The following PLCXD3 variants were observed in gnomAD, a reference collection of about 807,000 sequenced individuals.
PLCXD3 encodes phosphatidylinositol specific phospholipase C X domain containing 3.
In PLCXD3, 19 loss-of-function variants were observed where a neutral mutation model predicts 25.5. The observed-to-expected ratio is 0.75, with a 90% CI of 0.52 to 1.09. The LOEUF (loss-of-function observed/expected upper bound fraction) is 1.09. PLCXD3 is among the 50% of genes least tolerant of loss of function. PLCXD3 has a pLI of 0.00. For synonymous variants in PLCXD3, 174 were observed against 137.6 expected, an observed-to-expected ratio of 1.26 and a Z score of -1.85; for missense variants, 411 against 388.1, an observed-to-expected ratio of 1.06 and a Z score of -0.50.
intron 1 of PLCXD3, among the ~76,000 whole-genome samples, chr5:41,412,998 C>A (rs112475374): frequency 6.6e-6 from 1 of 152,094 alleles, no homozygotes; most frequent in African/African-American, 2.4e-5. Flanking sequence ...AAAGAAGTAA[C>A]GACATGACAA....
chr5:41,435,037 C>G (rs1343512858), intron 1 of PLCXD3, among the ~76,000 whole-genome samples: 3 of 152,208 alleles, frequency 2.0e-5, no homozygotes, highest in Non-Finnish European at 2.9e-5. Context: ...TGTCACCATT[C>G]AAAGCAAGTA....
intron 1 of PLCXD3, among the ~76,000 whole-genome samples, chr5:41,420,263 C>T (rs1474995979): frequency 6.6e-6 from 1 of 152,098 alleles, no homozygotes; most frequent in East Asian, 1.9e-4. Flanking sequence ...TAGAAGAAAA[C>T]TGATACATGT....
At chr5:41,354,143 T>C (rs111342826) in intron 2 of PLCXD3, among the ~76,000 whole-genome samples, 272 of 152,344 alleles carry the variant, frequency 1.8e-3, no homozygotes, top group African/African-American at 6.2e-3. Context: ...TTATGGATTC[T>C]AATTATCTCT....
At chr5:41,366,457 A>G (rs188631220) in intron 2 of PLCXD3, among the ~76,000 whole-genome samples, 1 of 152,316 alleles carries the variant, frequency 6.6e-6, no homozygotes, top group Non-Finnish European at 1.5e-5. Context: ...TATATCTTCA[A>G]TTGGGAGATA....
chr5:41,406,495 C>A (rs1002088100), intron 1 of PLCXD3, among the ~76,000 whole-genome samples: 2 of 152,044 alleles, frequency 1.3e-5, no homozygotes. Flanking sequence ...TCTCATCATC[C>A]TTCTATCTCA....
chr5:41,495,040 T>C (rs1748804218), intron 1 of PLCXD3, among the ~76,000 whole-genome samples: 1 of 152,212 alleles, frequency 6.6e-6, no homozygotes, highest in Non-Finnish European at 1.5e-5. Flanking sequence ...ATGGATTAAT[T>C]TCCTCTATGA....
rs114618059 is a variant in PLCXD3 at position 41,510,345 on chromosome 5, C to T, written c.103+79G>A. On this transcript the variant is annotated intron_variant, in intron 1 of 2. Transcript: ENST00000377801. The stretch of plus-strand genomic sequence containing the variant: ...CTCCCGCGGGCATCGTGGCAAGTTA[C>T]CACTTAGTGGCAGATAAAGCAGGGC... 404 of 1,263,826 alleles carry T rather than the reference C, an allele frequency of 3.2e-4. 1 individual carries two copies. The African/African-American group carries it at 5.8e-3, about 18-fold the overall frequency. 78.3% of individuals were successfully genotyped at this position (1,263,826 alleles called of 1,614,324 possible). A position where few individuals can be genotyped will look rare whatever the true frequency, so the allele number is the denominator to read the frequency against.
At chr5:41,437,379 A>G (rs961648087) in intron 1 of PLCXD3, among the ~76,000 whole-genome samples, 1 of 152,246 alleles carries the variant, frequency 6.6e-6, no homozygotes, top group African/African-American at 2.4e-5. Context: ...TGCATAAAAT[A>G]CAGCAATTTC....
At chr5:41,471,559 C>T (rs1748158836) in intron 1 of PLCXD3, among the ~76,000 whole-genome samples, 1 of 152,004 alleles carries the variant, frequency 6.6e-6, no homozygotes, top group African/African-American at 2.4e-5. Context: ...GTGCTCCTGT[C>T]CTGCAAGAAA....
intron 1 of PLCXD3, among the ~76,000 whole-genome samples, chr5:41,391,714 G>C (rs1258696518): frequency 6.6e-6 from 1 of 152,200 alleles, no homozygotes; most frequent in Non-Finnish European, 1.5e-5. Flanking sequence ...GGTGCCAGCA[G>C]AGCCACAGTG....
At chr5:41,502,885 A>G (rs1748981174) in intron 1 of PLCXD3, among the ~76,000 whole-genome samples, 4 of 152,296 alleles carry the variant, frequency 2.6e-5, no homozygotes, top group East Asian at 1.9e-4. Flanking sequence ...AGAAATGAGG[A>G]CATGAAAGGG....
intron 1 of PLCXD3, among the ~76,000 whole-genome samples, chr5:41,472,051 C>A (rs1748179302): frequency 6.7e-6 from 1 of 148,706 alleles, no homozygotes; most frequent in Non-Finnish European, 1.5e-5. Flanking sequence ...CTTTGACAAC[C>A]AAGACTCCAA....
chr5:41,415,119 C>T (rs572618206), intron 1 of PLCXD3, among the ~76,000 whole-genome samples: 1 of 152,080 alleles, frequency 6.6e-6, no homozygotes. Flanking sequence ...TGGAATGTAT[C>T]CCCTATGGAA....
intron 1 of PLCXD3, among the ~76,000 whole-genome samples, chr5:41,387,277 C>A (rs773600880): frequency 6.6e-6 from 1 of 152,084 alleles, no homozygotes; most frequent in Non-Finnish European, 1.5e-5. Context: ...CAAAAGAGAT[C>A]GCAGTCTTGG....
intron 1 of PLCXD3, among the ~76,000 whole-genome samples, chr5:41,494,590 C>A (rs73081505): frequency 0.011 from 1,703 of 152,188 alleles, 27 homozygotes; most frequent in African/African-American, 0.039. Context: ...GCACATTTGG[C>A]AATGGATGAT....
intron 1 of PLCXD3, among the ~76,000 whole-genome samples, chr5:41,437,829 G>T (rs1026149793): frequency 6.6e-6 from 1 of 152,164 alleles, no homozygotes; most frequent in Admixed American, 6.5e-5. Flanking sequence ...GGTATGGGAA[G>T]AAATTGGATT....
At chr5:41,347,016 T>C (rs1201367861) in intron 2 of PLCXD3, among the ~76,000 whole-genome samples, 1 of 152,228 alleles carries the variant, frequency 6.6e-6, no homozygotes, top group African/African-American at 2.4e-5. Flanking sequence ...TTTTGGTAAG[T>C]ACCTAAGGTT....
rs1320928222 is a variant in PLCXD3 at position 41,313,782 on chromosome 5, A to G, written c.813-12T>C. ...TGGCAGGAAGAGCTCTGAGAAAGGA[A>G]ACAAAAAGAAAAGTCACAGAAGGCA... On this transcript the variant is annotated splice_polypyrimidine_tract_variant and intron_variant, in intron 2 of 2. Coordinates refer to ENST00000377801, the MANE Select transcript of PLCXD3 (RefSeq NM_001005473.3). 6.4e-7 allele frequency: 1 copy of G among 1,560,858 alleles called. No individual in the cohort carries two copies. The highest frequency in any genetic ancestry group is 8.6e-7 in the Non-Finnish European group (1 of 1,156,676).
chr5:41,478,463 TAATATTA>T (rs1748327153), intron 1 of PLCXD3, among the ~76,000 whole-genome samples: 1 of 77,390 alleles, frequency 1.3e-5, no homozygotes, highest in Non-Finnish European at 4.2e-5. Flanking sequence ...ATCACTCCTA[TAATATTA>T]ATTATCTAAA....
Sources: allele counts gnomAD v4.1 joint callset (sites outside exome capture counted in the v4.1 genomes callset), GRCh38; gene constraint gnomAD v4.1.1; transcripts MANE v1.5; gene names NCBI Gene and HGNC (gene_info 2026-07-23, HGNC 2026-07-21).